Variants in SLC46A2 observed in about 807,000 individuals in gnomAD.
SLC46A2 encodes the protein thymic stromal co-transporter.
A neutral mutation model predicts 33.1 loss-of-function variants in SLC46A2; 25 were observed. That is an observed-to-expected ratio of 0.76 (90% CI 0.55 to 1.06). SLC46A2 has a LOEUF of 1.06. SLC46A2 is among the 50% of genes least tolerant of loss of function. The pLI is 0.00. For synonymous variants in SLC46A2, 254 were observed against 275.9 expected (o/e 0.92, Z 0.79); for missense variants, 622 against 621.7 (o/e 1.00, Z 0.00).
intron 3 of SLC46A2, among the ~76,000 whole-genome samples, chr9:112,880,721 G>A (rs1426896198): frequency 6.6e-6 from 1 of 152,152 alleles, no homozygotes; most frequent in Non-Finnish European, 1.5e-5. Context: ...GAACTTGGTG[G>A]TCCTGTAACA....
chr9:112,885,622 T>C (rs1028191453), intron 3 of SLC46A2: 1 of 152,142 alleles, frequency 6.6e-6, no homozygotes, highest in Non-Finnish European at 1.5e-5. Context: ...AATCTAGATG[T>C]ACTGTAAGTG....
chr9:112,879,851 G>A (rs1187144156), intron 3 of SLC46A2, 32 bp from the exon 4 acceptor site: 2 of 1,595,642 alleles, frequency 1.3e-6, no homozygotes, highest in African/African-American at 2.7e-5. Flanking sequence ...AGTTACAAGA[G>A]AACAGCTGGA....
rs1228510323 is a variant in SLC46A2 at position 112,889,840 on chromosome 9, G to A, written c.842C>T (p.Thr281Ile). The change falls in exon 1 of 4, where the codon ACC (threonine) becomes ATC (isoleucine). Residue 281 changes from threonine to isoleucine, a missense_variant. Coordinates refer to ENST00000374228, the MANE Select transcript of SLC46A2 (RefSeq NM_033051.4). Reference sequence around the variant, plus strand: ...ACCCACAAAGAGCAAGGCAATGGTGGTTTTATGGGGTTTTGCTTTTCCAGG... The same window carrying A: ...ACCCACAAAGAGCAAGGCAATGGTGATTTTATGGGGTTTTGCTTTTCCAGG... The part of the protein sequence containing the change: ...PSPGKAKPHK[T>I]TIALLFVGAI... The A allele has an allele frequency of 3.1e-6, 5 of 1,614,210 alleles. No homozygotes were observed. The highest frequency in any genetic ancestry group is 4.5e-5 in the East Asian group (2 of 44,880).
chr9:112,890,810 GAGTGTGCT>G lies in SLC46A2; in HGVS notation c.-137_-130del. The G allele has an allele frequency of 4.5e-6, 5 of 1,100,054 alleles. No individual in the cohort carries two copies. The highest frequency in any genetic ancestry group is 6.3e-6 in the Non-Finnish European group (5 of 792,528). 68.1% of individuals were successfully genotyped at this position (1,100,054 alleles called of 1,614,324 possible). ...AGTGTGCTCCGTGCGCCGGGAGCGCGAGTGTGCTCCGTGCGCCGGGAGCGCGCCGGCCA... is the reference window on the plus strand; with the variant it reads ...AGTGTGCTCCGTGCGCCGGGAGCGCGCCGTGCGCCGGGAGCGCGCCGGCCA... On this transcript the variant is annotated 5_prime_UTR_variant, in exon 1 of 4. Coordinates refer to ENST00000374228, the MANE Select transcript of SLC46A2 (RefSeq NM_033051.4). This position sits in a 1 kb window ranked among gnomAD's most constrained non-coding sequence, Gnocchi z 6.0.
chr9:112,886,075 G>A (rs1205533807), intron 3 of SLC46A2, among the ~76,000 whole-genome samples: 1 of 152,216 alleles, frequency 6.6e-6, no homozygotes, highest in East Asian at 1.9e-4. Context: ...GGAAGAAACT[G>A]TGCTCTGAAA....
intron 1 of SLC46A2, among the ~76,000 whole-genome samples, chr9:112,888,487 T>C (rs950333343): frequency 6.6e-6 from 1 of 152,218 alleles, no homozygotes; most frequent in Non-Finnish European, 1.5e-5. Flanking sequence ...TTTGATATGA[T>C]AGCCACTAGC....
In SLC46A2 at chr9:112,890,793, C is replaced by G; in HGVS notation, c.-112G>C. 1 of 788,888 alleles carries G rather than the reference C, an allele frequency of 1.3e-6. No homozygotes were observed. Among genetic ancestry groups the G allele is most frequent in the South Asian group, 2.1e-5 (1 of 47,474 alleles). The allele number at this position is 788,888 out of a possible 1,614,324, so 48.9% of individuals were successfully genotyped here. On this transcript the variant is annotated 5_prime_UTR_variant, in exon 1 of 4. Coordinates refer to ENST00000374228, the MANE Select transcript of SLC46A2 (RefSeq NM_033051.4). The surrounding 1 kb of genome is among the most constrained non-coding windows in gnomAD (Gnocchi z 6.0). ...TTCAGTCCCGGAGCGCGAGTGTGCTCCGTGCGCCGGGAGCGCGAGTGTGCT... is the reference window on the plus strand; with the variant it reads ...TTCAGTCCCGGAGCGCGAGTGTGCTGCGTGCGCCGGGAGCGCGAGTGTGCT...
At chr9:112,888,083 G>C (rs1444536023) in intron 1 of SLC46A2, among the ~76,000 whole-genome samples, 1 of 152,134 alleles carries the variant, frequency 6.6e-6, no homozygotes, top group Non-Finnish European at 1.5e-5. Context: ...TTCGAGACCA[G>C]CCTGAACAAC....
At chr9:112,882,689 TG>T (rs772602608) in intron 3 of SLC46A2, among the ~76,000 whole-genome samples, 33 of 151,126 alleles carry the variant, frequency 2.2e-4, no homozygotes, top group Admixed American at 5.3e-4. Context: ...TGATTGGAGG[TG>T]GGGGGAGATG....
chr9:112,880,090 G>T, intron 3 of SLC46A2: 1 of 307,100 alleles, frequency 3.3e-6, no homozygotes, highest in Non-Finnish European at 6.1e-6. Context: ...CAACAGTTTG[G>T]GAGGTTGAGG....
chr9:112,890,464 G>A lies in SLC46A2; in HGVS notation c.218C>T (p.Ala73Val), dbSNP rs371414131. Residue 73 changes from alanine to valine, a missense_variant, in exon 1 of 4, where the codon GCC becomes GTC. Physicochemically the swap from Ala to Val is moderately conservative, Grantham distance 64 (BLOSUM62 0). Transcript: ENST00000374228. This position sits in a 1 kb window ranked among gnomAD's most constrained non-coding sequence, Gnocchi z 6.0. ...GTAGATAATGTAGAAATTGGAGATG[G>A]CTCTCTGCTGTTGGTCCTCTAGAGC... ...RGALEDQQQR[A>V]ISNFYIIYNL... The A allele has an allele frequency of 4.5e-5, 73 of 1,614,222 alleles. 2 individuals carry two copies. In the Middle Eastern group the frequency reaches 6.6e-4, roughly 15 times the overall value.
At chr9:112,886,322 T>TGA in intron 3 of SLC46A2, 138 bp downstream of exon 3, 3 of 865,670 alleles carry the variant, frequency 3.5e-6, no homozygotes, top group Non-Finnish European at 5.3e-6. Flanking sequence ...TTTTTCTTTG[T>TGA]GAGAGAGCCT....
At position 112,890,280 on chromosome 9, in the gene SLC46A2, C is replaced by T. The variant is rs770053459; in HGVS notation, c.402G>A (p.Glu134=). ...TCAGCGCCGCCGCCCCGTACAGCAC[C>T]TCCACTGGCCAGTCCAGCAGCACCT... ...LLKVLLDWPV[E]VLYGAAALNG... The change falls in exon 1 of 4, where the codon GAG becomes GAA. Residue 134 remains glutamate (E), a synonymous_variant. Coordinates refer to ENST00000374228, the MANE Select transcript of SLC46A2 (RefSeq NM_033051.4). The surrounding 1 kb of genome is among the most constrained non-coding windows in gnomAD (Gnocchi z 6.0). 1.9e-6 allele frequency: 3 copies of T among 1,613,606 alleles called. No homozygotes were observed. The highest frequency in any genetic ancestry group is 1.7e-5 in the Admixed American group (1 of 60,034).
At position 112,886,581 on chromosome 9, in the gene SLC46A2, G is replaced by C. The variant is rs1841645523; in HGVS notation, c.1249C>G (p.Leu417Val). 1.9e-6 allele frequency: 3 copies of C among 1,613,990 alleles called. No individual in the cohort carries two copies. In the East Asian group the frequency reaches 6.7e-5, roughly 36 times the overall value. The change falls in exon 3 of 4, where the codon CTG becomes GTG. Residue 417 changes from leucine (L) to valine (V), a missense_variant. Leu to Val is a conservative substitution (Grantham distance 32). Coordinates refer to ENST00000374228, the MANE Select transcript of SLC46A2 (RefSeq NM_033051.4). Reference protein sequence around the residue: ...VFVILQLSLALTGVVTSTLYN... With the variant: ...VFVILQLSLAVTGVVTSTLYN... ...AAGGTGGATGTCACCACGCCGGTCA[G>C]AGCCAAGGACAGCTGCAGTATGACG...
chr9:112,879,792 C>A lies in SLC46A2; in HGVS notation c.1398G>T (p.Leu466Phe). 6.2e-7 allele frequency: 1 copy of A among 1,613,138 alleles called. No individual in the cohort carries two copies. The highest frequency in any genetic ancestry group is 8.5e-7 in the Non-Finnish European group (1 of 1,179,274). ...TCTCTATGATGTCTCCATATGGTGA[C>A]AATGGGACTTGTTTATAGGCCACGA... ...ISIVAYKQVP[L>F]SPYGDIIEK Residue 466 changes from leucine (L) to phenylalanine (F), a missense_variant, in exon 4 of 4, where the codon TTG becomes TTT. Leu to Phe is a conservative substitution (Grantham distance 22, BLOSUM62 0). Coordinates refer to ENST00000374228, the MANE Select transcript of SLC46A2 (RefSeq NM_033051.4).
intron 3 of SLC46A2, chr9:112,885,440 G>GTATATATATA (rs10664207): frequency 8.1e-5 from 12 of 147,552 alleles, no homozygotes; most frequent in African/African-American, 2.0e-4. Flanking sequence ...ATATATATGT[G>GTATATATATA]TATATATATA....
intron 1 of SLC46A2, among the ~76,000 whole-genome samples, chr9:112,888,715 G>A (rs368212550): frequency 9.2e-5 from 14 of 152,240 alleles, no homozygotes; most frequent in South Asian, 2.1e-4. Context: ...GCCCTCAGAT[G>A]GAAACTTAAT....
chr9:112,883,960 G>A (rs182890684), intron 3 of SLC46A2, among the ~76,000 whole-genome samples: 2 of 152,310 alleles, frequency 1.3e-5, no homozygotes, highest in African/African-American at 4.8e-5. Context: ...CTCCCAAAGT[G>A]CTGGGATTAC....
At chr9:112,880,380 A>G (rs1841562544) in intron 3 of SLC46A2, 1 of 150,914 alleles carries the variant, frequency 6.6e-6, no homozygotes, top group South Asian at 2.1e-4. Flanking sequence ...TTACTTAAGA[A>G]TTGCTTAAGG....
Sources: allele counts gnomAD v4.1 joint callset (sites outside exome capture counted in the v4.1 genomes callset), GRCh38; gene constraint gnomAD v4.1.1; non-coding constraint Gnocchi (gnomAD v3.1); transcripts MANE v1.5; gene names NCBI Gene and HGNC (gene_info 2026-07-23, HGNC 2026-07-21).